CALCOCO2: variants seen among roughly 807,000 people sequenced by gnomAD.
CALCOCO2 encodes the protein calcium binding and coiled-coil domain 2, also known as calcium-binding and coiled-coil domain-containing protein 2.
Under a neutral mutation model 62.5 loss-of-function variants are expected in CALCOCO2, and 42 were observed. The ratio of observed to expected loss-of-function variants is 0.67; its 90% CI spans 0.53 to 0.87. The LOEUF is 0.87. Ranked by LOEUF, CALCOCO2 falls within the 40% of genes least tolerant of loss-of-function variation. The pLI, the probability that CALCOCO2 is intolerant of heterozygous loss-of-function variation, is 0.00. For synonymous variants in CALCOCO2, 167 were observed against 173.0 expected (o/e 0.97, Z 0.27); for missense variants, 456 against 515.0 (o/e 0.89, Z 1.11).
At chr17:48,858,318 G>C (rs1273156499) in intron 10 of CALCOCO2, among the ~76,000 whole-genome samples, 1 of 151,076 alleles carries the variant, frequency 6.6e-6, no homozygotes, top group Non-Finnish European at 1.5e-5. Flanking sequence ...TTTTTGTTTT[G>C]TTTTGCTTTT....
chr17:48,856,353 C>G, intron 10 of CALCOCO2, 166 bp downstream of exon 10: 1 of 544,822 alleles, frequency 1.8e-6, no homozygotes, highest in South Asian at 2.2e-5. Context: ...TCCTAATCTA[C>G]CACAAAACCC....
intron 1 of CALCOCO2, among the ~76,000 whole-genome samples, chr17:48,834,106 CAAAAAAAAAAAAAA>C (rs59633969): frequency 1.4e-5 from 1 of 69,790 alleles, no homozygotes. Flanking sequence ...GACCCTATGT[CAAAAAAAAAAAAAA>C]AAAAAAAAAA....
At chr17:48,834,336 G>A (rs970569409) in intron 1 of CALCOCO2, among the ~76,000 whole-genome samples, 1 of 152,076 alleles carries the variant, frequency 6.6e-6, no homozygotes, top group African/African-American at 2.4e-5. Flanking sequence ...GCTCCTCTGA[G>A]GGCCCTAATC....
intron 1 of CALCOCO2, 50 bp from the exon 2 acceptor site, chr17:48,841,648 A>G (rs768386881): frequency 3.0e-6 from 4 of 1,329,452 alleles, no homozygotes; most frequent in Non-Finnish European, 4.1e-6. Flanking sequence ...AATCACCAAC[A>G]TTTCAGACAA....
rs142857064 is a variant in CALCOCO2, at chr17:48,853,191, CATTTCTAATA to C, written c.912+180_912+189del. The C allele has an allele frequency of 9.7e-3, 5,446 of 559,726 alleles. 203 individuals are homozygous for C. The highest frequency in any genetic ancestry group is 0.087 in the African/African-American group (4,637 of 53,090). 34.7% of individuals were successfully genotyped at this position (559,726 alleles called of 1,614,324 possible). Reference sequence around the variant, plus strand: ...CATTTATAAAATGTTTAGAAGTGGGCATTTCTAATATGTGATAAGTAATAAAGGAATATTG... The same window carrying C: ...CATTTATAAAATGTTTAGAAGTGGGCTGTGATAAGTAATAAAGGAATATTG... On this transcript the variant is annotated intron_variant, in intron 9 of 12. Coordinates refer to ENST00000258947, the MANE Select transcript of CALCOCO2 (RefSeq NM_005831.5).
chr17:48,858,625 C>T (rs1008861602), intron 10 of CALCOCO2, among the ~76,000 whole-genome samples: 10 of 151,942 alleles, frequency 6.6e-5, no homozygotes, highest in Middle Eastern at 3.2e-3. Flanking sequence ...CCACTGTGTC[C>T]GGCCTATTCC....
chr17:48,854,369 G>T (rs1254547438), intron 9 of CALCOCO2, among the ~76,000 whole-genome samples: 4 of 42,276 alleles, frequency 9.5e-5, no homozygotes, highest in African/African-American at 1.6e-4. Context: ...GGATTTCCTT[G>T]GTTTTCTTTT....
intron 1 of CALCOCO2, among the ~76,000 whole-genome samples, chr17:48,834,106 CAAAAAAAAA>C (rs59633969): frequency 2.9e-5 from 2 of 69,786 alleles, no homozygotes; most frequent in Admixed American, 1.8e-4. Flanking sequence ...GACCCTATGT[CAAAAAAAAA>C]AAAAAAAAAA....
intron 9 of CALCOCO2, among the ~76,000 whole-genome samples, chr17:48,854,310 C>A (rs2040174450): frequency 6.1e-5 from 1 of 16,398 alleles, no homozygotes; most frequent in Non-Finnish European, 1.2e-4. Context: ...AGCGAGACTC[C>A]GTCTCAAAAA....
intron 9 of CALCOCO2, among the ~76,000 whole-genome samples, chr17:48,854,145 G>A (rs1429241872): frequency 1.0e-4 from 15 of 150,700 alleles, no homozygotes; most frequent in African/African-American, 2.2e-4. Context: ...GAGAAACCCC[G>A]TCTCTACGAA....
At chr17:48,858,055 AGAATAGAATAGAATAG>A (rs1567759578) in intron 10 of CALCOCO2, among the ~76,000 whole-genome samples, 1 of 141,850 alleles carries the variant, frequency 7.0e-6, no homozygotes, top group Admixed American at 7.0e-5. Context: ...AAAATAGAAT[AGAATAGAATAGAATAG>A]AATTTTACCA....
At chr17:48,841,603 CT>C in intron 1 of CALCOCO2, 94 bp from the exon 2 acceptor site, 1 of 845,578 alleles carries the variant, frequency 1.2e-6, no homozygotes, top group Non-Finnish European at 1.7e-6. Context: ...TCCTGACTTG[CT>C]TTGCACAGAA....
chr17:48,851,438 A>G (rs1479284391), intron 6 of CALCOCO2, 121 bp from the exon 7 acceptor site: 2 of 685,218 alleles, frequency 2.9e-6, no homozygotes, highest in Non-Finnish European at 5.3e-6. Context: ...TGCAATGGAG[A>G]CTAGTAGATT....
At chr17:48,861,657 G>GTATATATATATA (rs1354448599) in intron 11 of CALCOCO2, among the ~76,000 whole-genome samples, 3 of 41,680 alleles carry the variant, frequency 7.2e-5, no homozygotes. Flanking sequence ...ATATATGTGT[G>GTATATATATATA]TGTGTATATA....
chr17:48,857,375 T>A (rs1157470872), intron 10 of CALCOCO2, among the ~76,000 whole-genome samples: 1 of 151,644 alleles, frequency 6.6e-6, no homozygotes, highest in Non-Finnish European at 1.5e-5. Flanking sequence ...TTTTGTATTT[T>A]TAGTAGAGAC....
chr17:48,843,627 C>T (rs1429325679), intron 2 of CALCOCO2, among the ~76,000 whole-genome samples: 4 of 152,224 alleles, frequency 2.6e-5, no homozygotes, highest in Admixed American at 6.5e-5. Flanking sequence ...AGTATCATGA[C>T]AGCTGTTGAG....
Position 48,856,199 on chromosome 17 carries a change from AAAGAGGGTATAAAACCCC to A in CALCOCO2, c.1008+16_1008+33del, listed in dbSNP as rs1270328082. On this transcript the variant is annotated intron_variant, in intron 10 of 12. Coordinates refer to ENST00000258947, the MANE Select transcript of CALCOCO2 (RefSeq NM_005831.5). Reference sequence around the variant, plus strand: ...AAGGAGAAAATGATGTAAGTGTGTGAAAGAGGGTATAAAACCCCAAGGTTTTAAGGGGAAGGATCAGGG... The same window carrying A: ...AAGGAGAAAATGATGTAAGTGTGTGAAAGGTTTTAAGGGGAAGGATCAGGG... 6.8e-7 allele frequency: 1 copy of A among 1,470,266 alleles called. No individual in the cohort carries two copies. The highest frequency in any genetic ancestry group is 1.4e-5 in the African/African-American group (1 of 72,134). 91.1% of individuals were successfully genotyped at this position (1,470,266 alleles called of 1,614,324 possible).
intron 2 of CALCOCO2, chr17:48,846,660 G>T: frequency 1.7e-6 from 1 of 605,828 alleles, no homozygotes; most frequent in Non-Finnish European, 2.9e-6. Flanking sequence ...GCAGGCTGCA[G>T]TGGCTCTGAG....
intron 1 of CALCOCO2, among the ~76,000 whole-genome samples, chr17:48,833,094 G>A (rs564506497): frequency 1.2e-3 from 179 of 152,144 alleles, no homozygotes; most frequent in Non-Finnish European, 2.3e-3. Context: ...ACCAGTGATT[G>A]TGTCTTTGCT....
Sources: gnomAD v4.1 joint callset for allele counts (sites outside exome capture counted in the v4.1 genomes callset) on GRCh38, gnomAD v4.1.1 for gene constraint, MANE v1.5 for transcripts, NCBI Gene and HGNC (gene_info 2026-07-23, HGNC 2026-07-21) for gene names.